PRRT1B: variants seen among roughly 807,000 people sequenced by gnomAD.
PRRT1B encodes the protein proline rich transmembrane protein 1B, also known as dispanin subfamily D member 2.
chr9:131,551,823 A>C lies in PRRT1B; in HGVS notation c.26-2734A>C, dbSNP rs1588550030. The stretch of plus-strand genomic sequence containing the variant: ...CAAATCCTATAAGACGGCCCACCCC[A>C]TCTCCCTTCGCTGACTCTCTTTTTG... On this transcript the variant is annotated intron_variant, in intron 1 of 3. Coordinates refer to ENST00000636672, the Ensembl canonical transcript of PRRT1B. The surrounding 1 kb of genome is among the most constrained non-coding windows in gnomAD (Gnocchi z 4.4). Among the ~76,000 whole-genome samples the C allele has an allele frequency of 6.9e-6, 1 of 144,814 alleles. No individual in the cohort carries two copies. The highest frequency in any genetic ancestry group is 1.5e-5 in the Non-Finnish European group (1 of 66,380).
chr9:131,555,291 G>A (rs919430389), intron 2 of PRRT1B, among the ~76,000 whole-genome samples: 1 of 152,232 alleles, frequency 6.6e-6, no homozygotes, highest in African/African-American at 2.4e-5. Flanking sequence ...GTGGAGGCTT[G>A]TTTGGCTTGG....
intron 1 of PRRT1B, among the ~76,000 whole-genome samples, chr9:131,548,664 G>A (rs974810617): frequency 3.9e-5 from 6 of 151,960 alleles, no homozygotes; most frequent in Non-Finnish European, 5.9e-5. Context: ...AACCCCAAGC[G>A]TCACTGAGTC....
In PRRT1B at chr9:131,551,489, ATTTTG is replaced by A. The variant is rs533132986; in HGVS notation, c.26-3063_26-3059del. On this transcript the variant is annotated intron_variant, in intron 1 of 3. Transcript: ENST00000636672. The surrounding 1 kb of genome is among the most constrained non-coding windows in gnomAD (Gnocchi z 4.4). Reference sequence around the variant, plus strand: ...TTCGCTGCCCCAACACTTCAACATTATTTTGTTTTATTTTTCTAATTAATATAAGA... The same window carrying A: ...TTCGCTGCCCCAACACTTCAACATTATTTTATTTTTCTAATTAATATAAGA... Among the ~76,000 whole-genome samples the A allele has an allele frequency of 1.1e-3, 165 of 152,002 alleles. No individual in the cohort carries two copies. The highest frequency in any genetic ancestry group is 3.8e-3 in the African/African-American group (156 of 41,450).
At chr9:131,555,778 A>C (rs920126186) in intron 2 of PRRT1B, among the ~76,000 whole-genome samples, 1 of 152,182 alleles carries the variant, frequency 6.6e-6, no homozygotes, top group East Asian at 1.9e-4. Flanking sequence ...TGGCGAGCCC[A>C]GTGAGGACGA....
At chr9:131,555,197 G>T (rs1018775139) in intron 2 of PRRT1B, among the ~76,000 whole-genome samples, 168 bp downstream of exon 2, 17 of 152,212 alleles carry the variant, frequency 1.1e-4, no homozygotes, top group Non-Finnish European at 1.9e-4. Context: ...GAATAGGAGG[G>T]CTAAGGCAAA....
chr9:131,549,043 C>G (rs891609658), intron 1 of PRRT1B, among the ~76,000 whole-genome samples: 1 of 152,138 alleles, frequency 6.6e-6, no homozygotes, highest in African/African-American at 2.4e-5. Context: ...GCTTTACAGC[C>G]CTAGACCCTA....
At chr9:131,555,220 C>T (rs2132011886) in intron 2 of PRRT1B, among the ~76,000 whole-genome samples, 191 bp downstream of exon 2, 1 of 151,972 alleles carries the variant, frequency 6.6e-6, no homozygotes, top group South Asian at 2.1e-4. Flanking sequence ...GAACGACGGG[C>T]GCCCTGGACA....
chr9:131,554,627 C>T, exon 2 of PRRT1B: 1 of 395,070 alleles, frequency 2.5e-6, no homozygotes, highest in Non-Finnish European at 4.5e-6. Flanking sequence ...AGCCCGCCGC[C>T]CCCGAGGATC....
chr9:131,555,108 G>C, intron 2 of PRRT1B, 79 bp downstream of exon 2: 2 of 95,442 alleles, frequency 2.1e-5, no homozygotes, highest in East Asian at 1.1e-4. Flanking sequence ...GAGGCCGATA[G>C]GTCACTTCTG....
chr9:131,546,285 G>A lies in PRRT1B; in HGVS notation c.25+645G>A, dbSNP rs115954154. 6.3e-3 allele frequency among the ~76,000 whole-genome samples: 964 copies of A among 152,280 alleles called. 4 individuals are homozygous for A. The highest frequency in any genetic ancestry group is 0.022 in the African/African-American group (914 of 41,550). On this transcript the variant is annotated intron_variant, in intron 1 of 3. Coordinates refer to ENST00000636672, the Ensembl canonical transcript of PRRT1B. ...GGGCTAATTCGGGGACGGAGAGCTG[G>A]AGACAGGGACCGAGAGAGGTGGGGT...
chr9:131,548,378 C>T (rs1435018350), intron 1 of PRRT1B, among the ~76,000 whole-genome samples: 3 of 152,182 alleles, frequency 2.0e-5, no homozygotes, highest in Non-Finnish European at 4.4e-5. Flanking sequence ...ACCTCTTTAA[C>T]TCTCGCCTGA....
At chr9:131,553,547 C>G (rs897707023) in intron 1 of PRRT1B, among the ~76,000 whole-genome samples, 1 of 152,216 alleles carries the variant, frequency 6.6e-6, no homozygotes, top group Non-Finnish European at 1.5e-5. Context: ...TCATCATTCC[C>G]TGCCATTGGG....
At chr9:131,558,240 T>A in exon 4 of PRRT1B, 1 of 400,930 alleles carries the variant, frequency 2.5e-6, no homozygotes, top group Non-Finnish European at 4.4e-6. Context: ...TGCCGGAATG[T>A]CCACGGAAAA....
Position 131,547,064 on chromosome 9 carries a change from G to C in PRRT1B, c.25+1424G>C, listed in dbSNP as rs887094723. On this transcript the variant is annotated intron_variant, in intron 1 of 3. Transcript: ENST00000636672. ...CAGAGCAGAGCCTGGCCTCCTGTTC[G>C]CTTTTTTTTTTTTTTTTTTTTTTTT... is the stretch of plus-strand genomic sequence containing the variant. Among the ~76,000 whole-genome samples the C allele has an allele frequency of 3.9e-4, 30 of 76,346 alleles. No individual in the cohort carries two copies. The East Asian group carries it at 9.0e-3, about 23-fold the overall frequency. The allele number at this position is 76,346 out of a possible 152,430, so 50.1% of individuals were successfully genotyped here. A position where few individuals can be genotyped will look rare whatever the true frequency, so the allele number is the denominator to read the frequency against.
chr9:131,550,939 C>CTTTTTTTTTTTT (rs546049217), intron 1 of PRRT1B, among the ~76,000 whole-genome samples: 1 of 75,998 alleles, frequency 1.3e-5, no homozygotes. Flanking sequence ...TTTTCTTTTT[C>CTTTTTTTTTTTT]TTTTTTTTTT....
exon 4 of PRRT1B, chr9:131,558,550 G>C (rs866698449): frequency 5.1e-6 from 1 of 197,208 alleles, no homozygotes; most frequent in African/African-American, 2.3e-5. Flanking sequence ...TGTGCTCTTG[G>C]GAGGCCATCG....
chr9:131,547,163 C>G (rs1950982188), intron 1 of PRRT1B, among the ~76,000 whole-genome samples: 1 of 146,756 alleles, frequency 6.8e-6, no homozygotes, highest in South Asian at 2.1e-4. Flanking sequence ...CCTCCTTTTC[C>G]CAGGTTCAAG....
At chr9:131,547,311 C>T in intron 1 of PRRT1B, among the ~76,000 whole-genome samples, 1 of 152,048 alleles carries the variant, frequency 6.6e-6, no homozygotes, top group East Asian at 1.9e-4. Flanking sequence ...TGACATTCCA[C>T]CACAAAAGAA....
At position 131,549,182 on chromosome 9, in the gene PRRT1B, C is replaced by T. The variant is rs548512033; in HGVS notation, c.25+3542C>T. Among the ~76,000 whole-genome samples, 6 of 152,328 alleles carry T rather than the reference C, an allele frequency of 3.9e-5. No homozygotes were observed. In the East Asian group the frequency reaches 1.2e-3, roughly 29 times the overall value. On this transcript the variant is annotated intron_variant, in intron 1 of 3. Coordinates refer to ENST00000636672, the Ensembl canonical transcript of PRRT1B. ...AACAGGACTTAATTAACCTTGCCTT[C>T]AAGGTGTACAATAATAGAGTAGAGG... is the stretch of plus-strand genomic sequence containing the variant.
Sources: gnomAD v4.1 joint callset for allele counts (sites outside exome capture counted in the v4.1 genomes callset) on GRCh38, gnomAD v4.1.1 for gene constraint, Gnocchi (gnomAD v3.1) non-coding constraint, MANE v1.5 for transcripts, NCBI Gene and HGNC (gene_info 2026-07-23, HGNC 2026-07-21) for gene names.